ANKRD45: variants seen among roughly 807,000 people sequenced by gnomAD.
ANKRD45 encodes the protein ankyrin repeat domain 45.
Under a neutral mutation model 28.1 loss-of-function variants are expected in ANKRD45, and 21 were observed. That is an observed-to-expected ratio of 0.75 (90% CI 0.53 to 1.08). The LOEUF (loss-of-function observed/expected upper bound fraction) is 1.08. Ranked by LOEUF, ANKRD45 falls within the 50% of genes least tolerant of loss-of-function variation. The pLI, the probability that ANKRD45 is intolerant of heterozygous loss-of-function variation, is 0.00. For synonymous variants in ANKRD45, 86 were observed against 103.9 expected, an observed-to-expected ratio of 0.83 and a Z score of 1.05; for missense variants, 261 against 308.7, an observed-to-expected ratio of 0.85 and a Z score of 1.16.
upstream of ANKRD45, among the ~76,000 whole-genome samples, chr1:173,673,977 G>A (rs1243163519): frequency 6.6e-6 from 1 of 151,988 alleles, no homozygotes; most frequent in African/African-American, 2.4e-5. Context: ...CTCCTTTTCT[G>A]GTTAGTGAAC....
chr1:173,654,244 C>T (rs1421879575), intron 2 of ANKRD45, among the ~76,000 whole-genome samples: 1 of 152,082 alleles, frequency 6.6e-6, no homozygotes, highest in Non-Finnish European at 1.5e-5. Context: ...CCAGTTGTTC[C>T]TTTCCATGTT....
intron 1 of ANKRD45, among the ~76,000 whole-genome samples, chr1:173,662,794 G>A (rs1025128529): frequency 7.2e-5 from 11 of 152,044 alleles, no homozygotes; most frequent in East Asian, 3.9e-4. Flanking sequence ...TGTACAATGC[G>A]GTGTGGCTAC....
At chr1:173,630,906 G>A (rs1668169544) in intron 3 of ANKRD45, among the ~76,000 whole-genome samples, 1 of 141,936 alleles carries the variant, frequency 7.0e-6, no homozygotes, top group Non-Finnish European at 1.5e-5. Flanking sequence ...AGGAAGGAAA[G>A]AAGGAAGATA....
intron 2 of ANKRD45, among the ~76,000 whole-genome samples, chr1:173,656,462 GT>G (rs2102381587): frequency 6.6e-6 from 1 of 152,286 alleles, no homozygotes; most frequent in South Asian, 2.1e-4. Context: ...AATAATCAGA[GT>G]TTTGTTTCTT....
chr1:173,687,844 C>CG, the ANKRD45 span, among the ~76,000 whole-genome samples: 9 of 152,168 alleles, frequency 5.9e-5, no homozygotes, highest in Non-Finnish European at 1.0e-4. Flanking sequence ...TTCCCTCAAT[C>CG]ACCTGGGAGG....
At position 173,659,427 on chromosome 1, in the gene ANKRD45, A is replaced by G. The variant is rs1355171073; in HGVS notation, c.-9T>C. On this transcript the variant is annotated 5_prime_UTR_variant, in exon 2 of 6. Coordinates refer to ENST00000333279, the MANE Select transcript of ANKRD45 (RefSeq NM_198493.3). ...GGTCCTTCTGACTCCATTAACTCCA[A>G]AAATACCTATGACCAAAAAAATAAA... The G allele has an allele frequency of 6.6e-7, 1 of 1,522,568 alleles. No homozygotes were observed. The highest frequency in any genetic ancestry group is 1.4e-5 in the African/African-American group (1 of 71,722). 94.3% of individuals were successfully genotyped at this position (1,522,568 alleles called of 1,614,324 possible). A position where few individuals can be genotyped will look rare whatever the true frequency, so the allele number is the denominator to read the frequency against.
chr1:173,707,526 T>C, the ANKRD45 span, among the ~76,000 whole-genome samples: 1 of 151,930 alleles, frequency 6.6e-6, no homozygotes, highest in Non-Finnish European at 1.5e-5. Flanking sequence ...AGAGACAGGG[T>C]TTCACCATGC....
At chr1:173,613,690 T>TG (rs551788086) in intron 5 of ANKRD45, among the ~76,000 whole-genome samples, 21,958 of 144,880 alleles carry the variant, frequency 0.15, 6,258 homozygotes, top group African/African-American at 0.58. Flanking sequence ...TCCGGGAGGT[T>TG]GGGGGGCGCC....
At chr1:173,643,452 T>C (rs1668792236) in intron 3 of ANKRD45, among the ~76,000 whole-genome samples, 1 of 152,088 alleles carries the variant, frequency 6.6e-6, no homozygotes, top group African/African-American at 2.4e-5. Flanking sequence ...ATTACAGGTG[T>C]GAGCCACTGC....
At chr1:173,714,395 G>C in the ANKRD45 span, among the ~76,000 whole-genome samples, 1 of 152,108 alleles carries the variant, frequency 6.6e-6, no homozygotes, top group African/African-American at 2.4e-5. Flanking sequence ...GATGTGTTTG[G>C]TGAAGTGTCT....
intron 4 of ANKRD45, among the ~76,000 whole-genome samples, chr1:173,625,340 G>A (rs1667886054): frequency 6.6e-6 from 1 of 152,050 alleles, no homozygotes; most frequent in South Asian, 2.1e-4. Flanking sequence ...GCAAAGACCA[G>A]AAAAGAATGG....
At chr1:173,667,496 G>A (rs965256439) in intron 1 of ANKRD45, among the ~76,000 whole-genome samples, 3 of 152,086 alleles carry the variant, frequency 2.0e-5, no homozygotes, top group Admixed American at 2.0e-4. Context: ...AAGGTCAGGA[G>A]TTCAAGACCA....
chr1:173,685,191 G>A, the ANKRD45 span, among the ~76,000 whole-genome samples: 1 of 152,178 alleles, frequency 6.6e-6, no homozygotes, highest in African/African-American at 2.4e-5. Context: ...TCCACTCGGG[G>A]ATGAACAAGG....
At chr1:173,670,064 G>A (rs1347156545), upstream of ANKRD45, among the ~76,000 whole-genome samples, 1 of 152,188 alleles carries the variant, frequency 6.6e-6, no homozygotes, top group Non-Finnish European at 1.5e-5. Context: ...AATAAGTTGT[G>A]CATATTGGTT....
intron 2 of ANKRD45, 40 bp from the exon 3 acceptor site, chr1:173,647,053 C>G (rs1036471215): frequency 6.3e-7 from 1 of 1,585,352 alleles, no homozygotes; most frequent in Non-Finnish European, 8.6e-7. Flanking sequence ...AAACAGACTA[C>G]ATTGTTTTAG....
chr1:173,635,513 C>A, intron 3 of ANKRD45: 1 of 1,481,606 alleles, frequency 6.7e-7, no homozygotes, highest in Non-Finnish European at 8.9e-7. Context: ...TTTCAATTGA[C>A]AAAGAAGGAT....
chr1:173,668,795 A>G (rs1272694807), intron 1 of ANKRD45, among the ~76,000 whole-genome samples: 2 of 152,240 alleles, frequency 1.3e-5, no homozygotes, highest in African/African-American at 4.8e-5. Context: ...AAGTAATAAC[A>G]TACATCAAAA....
intron 1 of ANKRD45, among the ~76,000 whole-genome samples, chr1:173,661,798 T>A (rs1199495786): frequency 6.6e-6 from 1 of 152,118 alleles, no homozygotes; most frequent in African/African-American, 2.4e-5. Flanking sequence ...CCTCCTATCA[T>A]GAAGCATATA....
chr1:173,659,173 A>C lies in ANKRD45; in HGVS notation c.246T>G (p.Tyr82Ter). 1 of 1,614,204 alleles carries C rather than the reference A, an allele frequency of 6.2e-7. No individual in the cohort carries two copies. The highest frequency in any genetic ancestry group is 8.5e-7 in the Non-Finnish European group (1 of 1,180,030). ...CACTTTGCCCAGCCATGCAAGCTGCATACAACAAATTTCTCCCAACGATGT... is the reference window on the plus strand; with the variant it reads ...CACTTTGCCCAGCCATGCAAGCTGCCTACAACAAATTTCTCCCAACGATGT... ...EEDIVGRNLL[Y>*]AACMAGQSDV... Residue 82 changes from tyrosine to a stop codon, truncating the protein, a stop_gained, in exon 2 of 6, where the codon TAT becomes TAG. Transcript: ENST00000333279. LOFTEE classifies it high-confidence loss of function.
Sources: allele counts gnomAD v4.1 joint callset (sites outside exome capture counted in the v4.1 genomes callset), GRCh38; gene constraint gnomAD v4.1.1; transcripts MANE v1.5; gene names NCBI Gene and HGNC (gene_info 2026-07-23, HGNC 2026-07-21).